The following IL1RAPL2 variants were observed in gnomAD, a reference collection of about 807,000 sequenced individuals.
IL1RAPL2 encodes the protein interleukin 1 receptor accessory protein like 2.
IL1RAPL2 carries 3 observed loss-of-function variants against 44.1 expected under a neutral mutation model. That is an observed-to-expected ratio of 0.07 (90% CI 0.03 to 0.18). The LOEUF (loss-of-function observed/expected upper bound fraction) is 0.18, where lower values mean the gene tolerates loss of function less well. IL1RAPL2 is among the 10% of genes least tolerant of loss of function. IL1RAPL2 has a pLI of 1.00. For synonymous variants in IL1RAPL2, 181 were observed against 178.8 expected, an observed-to-expected ratio of 1.01 and a Z score of -0.10; for missense variants, 391 against 496.4, an observed-to-expected ratio of 0.79 and a Z score of 2.02.
At chrX:105,108,094 C>T (rs139133215) in intron 2 of IL1RAPL2, among the ~76,000 whole-genome samples, 2 of 111,268 alleles carry the variant, frequency 1.8e-5, no homozygotes, top group East Asian at 5.7e-4. Context: ...AATTCAGTTA[C>T]CATGTATACA....
At chrX:104,870,045 G>T (rs892604293) in intron 2 of IL1RAPL2, among the ~76,000 whole-genome samples, 1 of 111,930 alleles carries the variant, frequency 8.9e-6, no homozygotes, top group Admixed American at 9.5e-5. Context: ...GGATGTTGTG[G>T]TTTTTCCACT....
intron 5 of IL1RAPL2, among the ~76,000 whole-genome samples, chrX:105,321,408 G>A (rs1011675445): frequency 1.5e-4 from 17 of 111,713 alleles, no homozygotes; most frequent in African/African-American, 9.8e-5. Context: ...TTATATTACC[G>A]TAACAAGACT....
chrX:104,991,995 G>T (rs2030670344), intron 2 of IL1RAPL2, among the ~76,000 whole-genome samples: 1 of 111,336 alleles, frequency 9.0e-6, no homozygotes, highest in African/African-American at 3.3e-5. Context: ...AGCAATGGAA[G>T]GCATTCAAAT....
chrX:104,931,054 C>T (rs1924885621), intron 2 of IL1RAPL2, among the ~76,000 whole-genome samples: 1 of 110,959 alleles, frequency 9.0e-6, no homozygotes, highest in African/African-American at 3.3e-5. Flanking sequence ...ATTCCTGCTG[C>T]TTGCAGGACC....
chrX:105,566,009 C>T (rs60614432), intron 6 of IL1RAPL2, among the ~76,000 whole-genome samples: 2,133 of 110,953 alleles, frequency 0.019, 37 homozygotes, highest in African/African-American at 0.067. Context: ...AGAGAGTTGC[C>T]GTCCTAACTT....
At chrX:104,936,280 A>G (rs1211149580) in intron 2 of IL1RAPL2, among the ~76,000 whole-genome samples, 3 of 111,767 alleles carry the variant, frequency 2.7e-5, no homozygotes, top group African/African-American at 6.5e-5. Context: ...TGGATTATGA[A>G]CTCAATTTAG....
chrX:105,537,269 C>A (rs1290813205), intron 6 of IL1RAPL2, among the ~76,000 whole-genome samples: 1 of 111,692 alleles, frequency 9.0e-6, no homozygotes, highest in East Asian at 2.8e-4. Flanking sequence ...CTGGTGAATA[C>A]ACAGACAAGA....
intron 2 of IL1RAPL2, among the ~76,000 whole-genome samples, chrX:104,966,353 A>AG (rs1206797283): frequency 9.0e-6 from 1 of 111,645 alleles, no homozygotes; most frequent in Admixed American, 9.5e-5. Flanking sequence ...TCTAAAATAT[A>AG]GGGGCAGTAG....
intron 2 of IL1RAPL2, among the ~76,000 whole-genome samples, chrX:105,021,971 T>C (rs2031288199): frequency 9.0e-6 from 1 of 111,085 alleles, no homozygotes; most frequent in African/African-American, 3.3e-5. Context: ...ACATCAACCA[T>C]ATAAATTGTA....
In IL1RAPL2 at chrX:105,203,635, G is replaced by C. The variant is rs782490554; in HGVS notation, c.356+7887G>C. On this transcript the variant is annotated intron_variant, in intron 3 of 10. Coordinates refer to ENST00000372582, the MANE Select transcript of IL1RAPL2 (RefSeq NM_017416.2). The stretch of plus-strand genomic sequence containing the variant: ...CTCTTCCAAACCTGCTCTTATAAAA[G>C]TGTCCAATGACCACAACAATACTAA... Among the ~76,000 whole-genome samples, 9 of 111,897 alleles carry C rather than the reference G, an allele frequency of 8.0e-5. No homozygotes were observed. In the East Asian group the frequency reaches 2.5e-3, roughly 31 times the overall value.
chrX:104,856,701 G>C (rs1361785284), intron 2 of IL1RAPL2, among the ~76,000 whole-genome samples: 2 of 111,920 alleles, frequency 1.8e-5, no homozygotes, highest in African/African-American at 6.5e-5. Flanking sequence ...TACACTGATT[G>C]ATTCAGCTTA....
chrX:105,114,306 G>A (rs191009391), intron 2 of IL1RAPL2, among the ~76,000 whole-genome samples: 271 of 111,957 alleles, frequency 2.4e-3, no homozygotes, highest in African/African-American at 7.9e-3. Context: ...CCAACCTGCC[G>A]AACTGTAAGA....
intron 2 of IL1RAPL2, among the ~76,000 whole-genome samples, chrX:104,901,305 G>A (rs1923811642): frequency 1.0e-5 from 1 of 99,121 alleles, no homozygotes; most frequent in South Asian, 4.9e-4. Flanking sequence ...CCGCCTCCCG[G>A]GTTCACACCA....
intron 5 of IL1RAPL2, among the ~76,000 whole-genome samples, chrX:105,314,474 C>CTG (rs1454464244): frequency 8.9e-6 from 1 of 111,837 alleles, no homozygotes; most frequent in African/African-American, 3.2e-5. Flanking sequence ...CTAAGCCAGA[C>CTG]TGTGTCGGAT....
In IL1RAPL2 at chrX:105,215,611, G is replaced by A. The variant is rs782644880; in HGVS notation, c.357-18207G>A. 2.4e-4 allele frequency among the ~76,000 whole-genome samples: 27 copies of A among 111,928 alleles called. No individual in the cohort carries two copies. The East Asian group carries it at 7.0e-3, about 29-fold the overall frequency. ...GGGAATCCTCTCTAACTCATTTTAT[G>A]AGGGCAGCATCATCCTGATACCAAA... is the stretch of plus-strand genomic sequence containing the variant. On this transcript the variant is annotated intron_variant, in intron 3 of 10. Coordinates refer to ENST00000372582, the MANE Select transcript of IL1RAPL2 (RefSeq NM_017416.2).
intron 1 of IL1RAPL2, among the ~76,000 whole-genome samples, chrX:104,595,361 G>T (rs889449268): frequency 9.0e-6 from 1 of 111,104 alleles, no homozygotes; most frequent in African/African-American, 3.3e-5. Context: ...GAGACAAGTT[G>T]GGTGGATAGA....
At chrX:104,883,422 A>T (rs1381362358) in intron 2 of IL1RAPL2, among the ~76,000 whole-genome samples, 1 of 110,905 alleles carries the variant, frequency 9.0e-6, no homozygotes, top group East Asian at 2.9e-4. Context: ...GGGCTGAGTC[A>T]AGGTCAACAG....
chrX:104,862,337 T>A (rs1922516441), intron 2 of IL1RAPL2, among the ~76,000 whole-genome samples: 1 of 110,110 alleles, frequency 9.1e-6, no homozygotes, highest in Non-Finnish European at 1.9e-5. Context: ...CTGCCCCCCA[T>A]TCATATGTTG....
chrX:104,823,495 A>G (rs1206875547), intron 2 of IL1RAPL2, among the ~76,000 whole-genome samples: 1 of 108,451 alleles, frequency 9.2e-6, no homozygotes, highest in African/African-American at 3.4e-5. Context: ...AATCCAGTCT[A>G]TCATCGTTGG....
Sources: gnomAD v4.1 joint callset for allele counts (sites outside exome capture counted in the v4.1 genomes callset) on GRCh38, gnomAD v4.1.1 for gene constraint, MANE v1.5 for transcripts, NCBI Gene and HGNC (gene_info 2026-07-23, HGNC 2026-07-21) for gene names.